MRPS6: variants seen among roughly 807,000 people sequenced by gnomAD.
MRPS6 encodes the protein small ribosomal subunit protein bS6m.
In MRPS6, 6 loss-of-function variants were observed where a neutral mutation model predicts 13.1. The ratio of observed to expected loss-of-function variants is 0.46; its 90% CI spans 0.25 to 0.91. The LOEUF is 0.91. Ranked by LOEUF, MRPS6 falls within the 40% of genes least tolerant of loss-of-function variation. The pLI is 0.18. For missense variants in MRPS6, 164 were observed against 155.6 expected (o/e 1.05, Z -0.29); for synonymous variants, 61 against 56.5 (o/e 1.08, Z -0.36).
At chr21:34,078,692 C>T (rs546250549) in intron 1 of MRPS6, among the ~76,000 whole-genome samples, 1 of 152,144 alleles carries the variant, frequency 6.6e-6, no homozygotes, top group South Asian at 2.1e-4. Flanking sequence ...GTTTGTACTA[C>T]TACATGTTTA....
intron 1 of MRPS6, chr21:34,097,501 G>T: frequency 1.3e-5 from 19 of 1,415,812 alleles, no homozygotes; most frequent in South Asian, 1.8e-5. Flanking sequence ...CTAATTACAA[G>T]ACTTTATTTT....
At chr21:34,104,475 G>A in intron 1 of MRPS6, 1 of 998,618 alleles carries the variant, frequency 1.0e-6, no homozygotes, top group Non-Finnish European at 1.2e-6. Flanking sequence ...GGAGAGAAAT[G>A]ACTACCTTTG....
intron 1 of MRPS6, among the ~76,000 whole-genome samples, chr21:34,117,634 T>A (rs1292496356): frequency 1.3e-5 from 2 of 152,158 alleles, no homozygotes; most frequent in African/African-American, 4.8e-5. Context: ...GAAGACACTT[T>A]GAGAAGAATG....
chr21:34,093,716 A>G (rs1041509991), intron 1 of MRPS6, among the ~76,000 whole-genome samples: 1 of 152,224 alleles, frequency 6.6e-6, no homozygotes, highest in South Asian at 2.1e-4. Context: ...GTCAGCTGCA[A>G]TTACAATTAA....
chr21:34,129,046 T>C (rs1037128122), intron 2 of MRPS6, among the ~76,000 whole-genome samples: 1 of 152,178 alleles, frequency 6.6e-6, no homozygotes, highest in Non-Finnish European at 1.5e-5. Context: ...GACACCCTCA[T>C]CTGCTCTGCG....
At chr21:34,132,935 C>G (rs1014501367) in intron 2 of MRPS6, among the ~76,000 whole-genome samples, 2 of 152,174 alleles carry the variant, frequency 1.3e-5, no homozygotes, top group African/African-American at 4.8e-5. Flanking sequence ...TTTTGAGTCT[C>G]TCTTCTTAAC....
At chr21:34,103,049 T>C in intron 1 of MRPS6, 1 of 1,000,090 alleles carries the variant, frequency 1.0e-6, no homozygotes, top group Non-Finnish European at 1.2e-6. Context: ...CCTAGACTTC[T>C]GTAAGTGGAA....
At chr21:34,131,428 C>T (rs1038531732) in intron 2 of MRPS6, among the ~76,000 whole-genome samples, 2 of 152,138 alleles carry the variant, frequency 1.3e-5, no homozygotes, top group African/African-American at 4.8e-5. Flanking sequence ...GACACTGAGC[C>T]CCTTTTCTGG....
intron 2 of MRPS6, among the ~76,000 whole-genome samples, chr21:34,140,385 C>T (rs1980868010): frequency 6.6e-6 from 1 of 152,124 alleles, no homozygotes; most frequent in Non-Finnish European, 1.5e-5. Context: ...GTTTGTCCAG[C>T]TTATTTAGAT....
intron 1 of MRPS6, 197 bp from the exon 2 acceptor site, chr21:34,125,144 G>C (rs1980255027): frequency 4.9e-6 from 4 of 816,706 alleles, no homozygotes; most frequent in Non-Finnish European, 7.1e-6. Flanking sequence ...TCGTATCTGT[G>C]AGCTATCTCA....
At chr21:34,125,541 C>T (rs1441686603) in intron 2 of MRPS6, 61 bp downstream of exon 2, 3 of 1,583,614 alleles carry the variant, frequency 1.9e-6, no homozygotes, top group African/African-American at 2.7e-5. Context: ...GAGTACTGTT[C>T]AATTACTATT....
intron 1 of MRPS6, among the ~76,000 whole-genome samples, chr21:34,115,887 T>A (rs1310326652): frequency 6.6e-6 from 1 of 151,162 alleles, no homozygotes; most frequent in Admixed American, 6.6e-5. Flanking sequence ...TGCATAGTCA[T>A]CCGTTCTTTT....
At chr21:34,095,073 AC>A (rs11295804) in intron 1 of MRPS6, 1,213,226 of 1,213,242 alleles carry the variant, frequency 1, 606,605 homozygotes, top group Middle Eastern at 1. Flanking sequence ...AAAGACTTTG[AC>A]CCTGCTGTGT....
intron 1 of MRPS6, among the ~76,000 whole-genome samples, chr21:34,116,437 C>A (rs944261720): frequency 2.0e-5 from 3 of 150,450 alleles, no homozygotes; most frequent in Admixed American, 2.0e-4. Context: ...ATGGTTGTAT[C>A]GTACTTATTC....
intron 1 of MRPS6, among the ~76,000 whole-genome samples, 158 bp downstream of exon 1, chr21:34,073,903 G>C (rs1250925242): frequency 6.9e-6 from 1 of 145,602 alleles, no homozygotes; most frequent in Non-Finnish European, 1.5e-5. Context: ...CCGCGGGAAG[G>C]GGGCGCGCGT....
At chr21:34,125,224 CA>C (rs1203978906) in intron 1 of MRPS6, 116 bp from the exon 2 acceptor site, 1 of 1,436,912 alleles carries the variant, frequency 7.0e-7, no homozygotes, top group Non-Finnish European at 9.2e-7. Flanking sequence ...TGCTTTTACC[CA>C]GCGATTCCTA....
At chr21:34,121,375 T>G (rs1745384015) in intron 1 of MRPS6, among the ~76,000 whole-genome samples, 1 of 152,208 alleles carries the variant, frequency 6.6e-6, no homozygotes, top group African/African-American at 2.4e-5. Flanking sequence ...AGGTACAAGT[T>G]TAAAATTGAT....
chr21:34,080,626 A>G (rs891193786), intron 1 of MRPS6, among the ~76,000 whole-genome samples: 4 of 152,220 alleles, frequency 2.6e-5, no homozygotes, highest in African/African-American at 7.2e-5. Context: ...CTTTGGTTGC[A>G]TGAATCTCAT....
At chr21:34,101,949 T>C (rs1275612496) in intron 1 of MRPS6, 1 of 999,964 alleles carries the variant, frequency 1.0e-6, no homozygotes. Flanking sequence ...AACAATGGAG[T>C]TTTGATGCCA....
Sources: gnomAD v4.1 joint callset for allele counts (sites outside exome capture counted in the v4.1 genomes callset) on GRCh38, gnomAD v4.1.1 for gene constraint, MANE v1.5 for transcripts, NCBI Gene and HGNC (gene_info 2026-07-23, HGNC 2026-07-21) for gene names.